PKHD1: variants seen among roughly 807,000 people sequenced by gnomAD.
PKHD1 encodes fibrocystin.
A neutral mutation model predicts 412.0 loss-of-function variants in PKHD1; 291 were observed. The observed-to-expected ratio is 0.71, with a 90% CI of 0.64 to 0.78. The LOEUF (loss-of-function observed/expected upper bound fraction) is 0.78, where lower values mean the gene tolerates loss of function less well. Ranked by LOEUF, PKHD1 falls within the 30% of genes least tolerant of loss-of-function variation. PKHD1 has a pLI of 0.00. For synonymous variants in PKHD1, 1,777 were observed against 1,821.5 expected (o/e 0.98, Z 0.62); for missense variants, 4,825 against 4,950.7 (o/e 0.97, Z 0.76).
At chr6:51,839,798 G>A (rs918898738) in intron 50 of PKHD1, among the ~76,000 whole-genome samples, 5 of 151,288 alleles carry the variant, frequency 3.3e-5, no homozygotes, top group Admixed American at 1.3e-4. Context: ...TCACTTTGTC[G>A]TTTTAGTTTA....
Position 52,058,425 on chromosome 6 carries a change from A to T in PKHD1, c.1410T>A (p.Gly470=), listed in dbSNP as rs764103868. ...GIAPSRGMRI[G]VQIHNTWLNP... is the part of the protein sequence containing the mutation. ...TCAGCCAGGTGTTGTGAATCTGGAC[A>T]CCAATCCTCATCCCCCTGCTTGGGG... Residue 470 remains glycine (G), a synonymous_variant, in exon 16 of 67, where the codon GGT becomes GGA. Coordinates refer to ENST00000371117, the MANE Select transcript of PKHD1 (RefSeq NM_138694.4). The T allele has an allele frequency of 3.1e-6, 5 of 1,614,138 alleles. No homozygotes were observed. The South Asian group carries it at 5.5e-5, about 18-fold the overall frequency.
At chr6:51,883,457 A>G (rs1283059177) in intron 45 of PKHD1, among the ~76,000 whole-genome samples, 2 of 152,166 alleles carry the variant, frequency 1.3e-5, no homozygotes, top group Non-Finnish European at 2.9e-5. Flanking sequence ...CATAATAACC[A>G]ATACATTAAA....
intron 60 of PKHD1, among the ~76,000 whole-genome samples, chr6:51,696,785 A>G (rs1417353213): frequency 6.6e-6 from 1 of 152,168 alleles, no homozygotes; most frequent in Non-Finnish European, 1.5e-5. Flanking sequence ...TACGTGTGTC[A>G]TTGATAGTGG....
intron 36 of PKHD1, among the ~76,000 whole-genome samples, chr6:51,950,220 A>AAAAAAAAATATATAT: frequency 5.1e-5 from 5 of 98,302 alleles, no homozygotes; most frequent in African/African-American, 1.9e-4. Context: ...GAAAAAAAAA[A>AAAAAAAAATATATAT]ATATATATAT....
chr6:52,016,635 C>CAAAAAAAAAAAAAAA (rs10579713), intron 34 of PKHD1, among the ~76,000 whole-genome samples: 1 of 118,920 alleles, frequency 8.4e-6, no homozygotes, highest in Non-Finnish European at 1.7e-5. Context: ...GACTCTGTCT[C>CAAAAAAAAAAAAAAA]AAAAAAAAAA....
chr6:51,727,691 G>A (rs1163491904), intron 60 of PKHD1, among the ~76,000 whole-genome samples: 3 of 152,148 alleles, frequency 2.0e-5, no homozygotes, highest in Non-Finnish European at 4.4e-5. Flanking sequence ...CTTTGCTGCT[G>A]GTGTGCCCCT....
chr6:52,033,192 C>T, intron 28 of PKHD1, 27 bp from the exon 29 acceptor site: 1 of 1,592,886 alleles, frequency 6.3e-7, no homozygotes, highest in South Asian at 1.1e-5. Context: ...AAAAATTAAA[C>T]CTCAGTTTTA....
chr6:52,071,032 T>C lies in PKHD1; in HGVS notation c.641A>G (p.Gln214Arg), dbSNP rs766208058. The C allele has an allele frequency of 6.2e-7, 1 of 1,607,614 alleles. No homozygotes were observed. The highest frequency in any genetic ancestry group is 1.1e-5 in the South Asian group (1 of 90,926). Residue 214 changes from glutamine (Q) to arginine (R), a missense_variant, in exon 9 of 67, where the codon CAG becomes CGG. Coordinates refer to ENST00000371117, the MANE Select transcript of PKHD1 (RefSeq NM_138694.4). ...IQEDHGLGTL[Q>R]CHVEGDYIGS... ...GATGTAGTCGCCTTCCACATGGCAC[T>C]GCAGAGTCCCAAGACCATGGTCCTC...
chr6:51,800,567 A>C (rs1444083373), intron 52 of PKHD1, among the ~76,000 whole-genome samples: 1 of 152,218 alleles, frequency 6.6e-6, no homozygotes, highest in Admixed American at 6.5e-5. Context: ...CGCTAGATTT[A>C]AACTCACTTT....
Position 52,056,723 on chromosome 6 carries a change from G to C in PKHD1, c.1668C>G (p.Ile556Met), listed in dbSNP as rs755213201. 6.2e-7 allele frequency: 1 copy of C among 1,613,408 alleles called. No homozygotes were observed. The highest frequency in any genetic ancestry group is 8.5e-7 in the Non-Finnish European group (1 of 1,179,340). The change falls in exon 18 of 67, where the codon ATC becomes ATG. Residue 556 changes from isoleucine (I) to methionine (M), a missense_variant. Physicochemically the swap from Ile to Met is conservative, Grantham distance 10. Transcript: ENST00000371117. Reference sequence around the variant, plus strand: ...CTCGTTCAAATCCAAGCCGGAGAAGGATGTTAGACCAAAGGGGTTCCAGTT... The same window carrying C: ...CTCGTTCAAATCCAAGCCGGAGAAGCATGTTAGACCAAAGGGGTTCCAGTT... ...KCKLEPLWSN[I>M]LLRLGFERGP... is the part of the protein sequence containing the mutation.
At chr6:51,842,709 C>T (rs894230689) in intron 50 of PKHD1, among the ~76,000 whole-genome samples, 15 of 152,148 alleles carry the variant, frequency 9.9e-5, no homozygotes, top group Admixed American at 8.5e-4. Flanking sequence ...TGATGAAGAC[C>T]TCCTCCTGGC....
intron 58 of PKHD1, 90 bp downstream of exon 58, chr6:51,747,697 C>T (rs1413529159): frequency 1.7e-6 from 2 of 1,153,772 alleles, no homozygotes; most frequent in Admixed American, 1.7e-5. Flanking sequence ...CACAATGTAC[C>T]TTTTTGTTGA....
At chr6:51,777,756 C>T (rs1348203353) in intron 53 of PKHD1, among the ~76,000 whole-genome samples, 1 of 140,574 alleles carries the variant, frequency 7.1e-6, no homozygotes, top group Non-Finnish European at 1.5e-5. Context: ...AAAAGTAGGA[C>T]AGTTTTTGCC....
At position 51,768,352 on chromosome 6, in the gene PKHD1, C is replaced by A. The variant is rs1010457851; in HGVS notation, c.8642+4350G>T. On this transcript the variant is annotated intron_variant, in intron 55 of 66. Coordinates refer to ENST00000371117, the MANE Select transcript of PKHD1 (RefSeq NM_138694.4). The stretch of plus-strand genomic sequence containing the variant: ...GATTTGACATCTTTAAAATAGTGAA[C>A]CATCAAATTTTTGTTATGCATCACC... 2.0e-5 allele frequency among the ~76,000 whole-genome samples: 3 copies of A among 151,882 alleles called. No homozygotes were observed. In the East Asian group the frequency reaches 5.8e-4, roughly 29 times the overall value.
intron 60 of PKHD1, among the ~76,000 whole-genome samples, chr6:51,686,718 G>A (rs1175246300): frequency 6.6e-6 from 1 of 152,120 alleles, no homozygotes; most frequent in African/African-American, 2.4e-5. Context: ...TTTACAACTA[G>A]CCAGAAAAGC....
chr6:51,982,383 G>A lies in PKHD1; in HGVS notation c.5752-22357C>T, dbSNP rs1449437213. On this transcript the variant is annotated intron_variant, in intron 35 of 66. Coordinates refer to ENST00000371117, the MANE Select transcript of PKHD1 (RefSeq NM_138694.4). ...GGAATAGAAAGGCGGGAAGGGTGGGGAAAAAATTGAGAAATCAGATGGTTG... is the reference window on the plus strand; with the variant it reads ...GGAATAGAAAGGCGGGAAGGGTGGGAAAAAAATTGAGAAATCAGATGGTTG... Among the ~76,000 whole-genome samples the A allele has an allele frequency of 4.8e-3, 610 of 126,220 alleles. 2 individuals carry two copies. The highest frequency in any genetic ancestry group is 0.016 in the African/African-American group (583 of 36,914). 82.8% of individuals were successfully genotyped at this position (126,220 alleles called of 152,430 possible).
intron 35 of PKHD1, chr6:51,975,626 T>TAAAAAAAAAAAAAA (rs750698580): frequency 2.3e-4 from 29 of 128,418 alleles, no homozygotes; most frequent in Non-Finnish European, 3.8e-4. Flanking sequence ...CTATCAGCCA[T>TAAAAAAAAAAAAAA]AAAAAAAAAA....
chr6:51,891,972 T>C (rs1779195398), intron 43 of PKHD1, among the ~76,000 whole-genome samples: 1 of 152,150 alleles, frequency 6.6e-6, no homozygotes, highest in African/African-American at 2.4e-5. Context: ...CAGCACATAC[T>C]GACACAATTG....
intron 55 of PKHD1, among the ~76,000 whole-genome samples, chr6:51,761,452 G>C (rs1030108024): frequency 2.6e-5 from 4 of 152,008 alleles, no homozygotes; most frequent in African/African-American, 9.7e-5. Context: ...GGGAAGCAAA[G>C]GTTGAAGAAA....
Sources: allele counts gnomAD v4.1 joint callset (sites outside exome capture counted in the v4.1 genomes callset), GRCh38; gene constraint gnomAD v4.1.1; transcripts MANE v1.5; gene names NCBI Gene and HGNC (gene_info 2026-07-23, HGNC 2026-07-21).